Variants in ADGRB3 observed in about 807,000 individuals in gnomAD.
ADGRB3 encodes brain-specific angiogenesis inhibitor 3.
In ADGRB3, 37 loss-of-function variants were observed where a neutral mutation model predicts 193.4. The ratio of observed to expected loss-of-function variants is 0.19; its 90% CI spans 0.15 to 0.25. The LOEUF is 0.25. Ranked by LOEUF, ADGRB3 falls within the 10% of genes least tolerant of loss-of-function variation. The pLI, the probability that ADGRB3 is intolerant of heterozygous loss-of-function variation, is 1.00. For synonymous variants in ADGRB3, 690 were observed against 644.2 expected (o/e 1.07, Z -1.08); for missense variants, 1,637 against 1,852.9 (o/e 0.88, Z 2.14).
intron 28 of ADGRB3, among the ~76,000 whole-genome samples, chr6:69,356,502 G>C (rs748168068): frequency 1.3e-5 from 2 of 152,042 alleles, no homozygotes; most frequent in Non-Finnish European, 1.5e-5. Flanking sequence ...AGGAGAGAGA[G>C]AGAGAAAAAG....
At chr6:69,366,913 G>GAT (rs777774564) in intron 29 of ADGRB3, among the ~76,000 whole-genome samples, 35 of 152,098 alleles carry the variant, frequency 2.3e-4, no homozygotes, top group Non-Finnish European at 4.9e-4. Flanking sequence ...ATGTAATCAA[G>GAT]ATAGAAATGG....
chr6:69,295,847 C>T (rs1767804781), intron 20 of ADGRB3, among the ~76,000 whole-genome samples: 1 of 152,168 alleles, frequency 6.6e-6, no homozygotes, highest in Non-Finnish European at 1.5e-5. Context: ...TGAAGAGGTG[C>T]TGGTTCATAT....
intron 3 of ADGRB3, among the ~76,000 whole-genome samples, chr6:68,774,809 T>C (rs1370334612): frequency 6.6e-6 from 1 of 152,006 alleles, no homozygotes; most frequent in Non-Finnish European, 1.5e-5. Context: ...TTTAAAACAG[T>C]AAGATTCTAT....
chr6:68,767,464 G>T (rs1477090726), intron 3 of ADGRB3, among the ~76,000 whole-genome samples: 1 of 152,114 alleles, frequency 6.6e-6, no homozygotes, highest in African/African-American at 2.4e-5. Context: ...ATTAGATGGA[G>T]AAAATGTCTT....
At chr6:69,075,910 C>A in intron 16 of ADGRB3, 85 bp from the exon 17 acceptor site, 1 of 976,268 alleles carries the variant, frequency 1.0e-6, no homozygotes, top group South Asian at 1.5e-5. Flanking sequence ...AGAAATCTTC[C>A]ATTCTGTTTC....
chr6:69,238,789 A>T (rs929724548), intron 19 of ADGRB3, among the ~76,000 whole-genome samples: 1 of 151,792 alleles, frequency 6.6e-6, no homozygotes, highest in East Asian at 1.9e-4. Context: ...ATACTAATTG[A>T]TATATTTCCA....
intron 3 of ADGRB3, among the ~76,000 whole-genome samples, chr6:68,711,436 A>G (rs1049021175): frequency 6.6e-6 from 1 of 152,154 alleles, no homozygotes; most frequent in Admixed American, 6.6e-5. Context: ...TGAAAATGCC[A>G]GAAAAAAACA....
intron 17 of ADGRB3, among the ~76,000 whole-genome samples, chr6:69,131,081 G>A (rs1338388018): frequency 6.6e-6 from 1 of 151,758 alleles, no homozygotes; most frequent in Non-Finnish European, 1.5e-5. Context: ...TTGGAATATA[G>A]CCATTAATTA....
In ADGRB3 at chr6:69,002,918, G is replaced by A. The variant is rs188231544; in HGVS notation, c.1929+8956G>A. Among the ~76,000 whole-genome samples the A allele has an allele frequency of 6.6e-5, 10 of 152,274 alleles. No individual in the cohort carries two copies. In the East Asian group the frequency reaches 1.9e-3, roughly 29 times the overall value. On this transcript the variant is annotated intron_variant, in intron 11 of 31. Coordinates refer to ENST00000370598, the MANE Select transcript of ADGRB3 (RefSeq NM_001704.3). Reference sequence around the variant, plus strand: ...TAATAATTTTCTCAAACATCAGTAAGGGAGATAGGGAATGGAAGCAGGGGA... The same window carrying A: ...TAATAATTTTCTCAAACATCAGTAAAGGAGATAGGGAATGGAAGCAGGGGA...
intron 17 of ADGRB3, among the ~76,000 whole-genome samples, chr6:69,110,715 G>A (rs1773343614): frequency 6.6e-6 from 1 of 152,206 alleles, no homozygotes; most frequent in Non-Finnish European, 1.5e-5. Flanking sequence ...CAGAAGCGGT[G>A]AAGTATAAAC....
intron 3 of ADGRB3, among the ~76,000 whole-genome samples, chr6:68,923,880 T>G (rs1335668453): frequency 1.3e-5 from 2 of 152,096 alleles, no homozygotes; most frequent in African/African-American, 4.8e-5. Flanking sequence ...TTTCTGACTT[T>G]CTAAGATCTT....
At chr6:69,188,682 T>G (rs1307827774) in intron 17 of ADGRB3, among the ~76,000 whole-genome samples, 2 of 152,132 alleles carry the variant, frequency 1.3e-5, no homozygotes, top group Non-Finnish European at 2.9e-5. Flanking sequence ...CACTGCATGC[T>G]CAAAGCCTTC....
chr6:68,985,148 C>T (rs1769033262), intron 10 of ADGRB3, among the ~76,000 whole-genome samples: 1 of 152,146 alleles, frequency 6.6e-6, no homozygotes, highest in Non-Finnish European at 1.5e-5. Flanking sequence ...AGTTGAGCTA[C>T]TTGTATGCAG....
intron 20 of ADGRB3, among the ~76,000 whole-genome samples, chr6:69,288,831 A>T (rs974485189): frequency 9.2e-5 from 14 of 152,086 alleles, no homozygotes; most frequent in African/African-American, 3.4e-4. Flanking sequence ...TGAAAAAATG[A>T]TTTATATCAA....
At chr6:69,036,846 A>G (rs1324273647) in intron 13 of ADGRB3, among the ~76,000 whole-genome samples, 1 of 152,214 alleles carries the variant, frequency 6.6e-6, no homozygotes, top group Non-Finnish European at 1.5e-5. Context: ...GTCAAGGCAT[A>G]AAATTTGGAT....
chr6:69,019,112 C>T (rs1770185184), intron 13 of ADGRB3, among the ~76,000 whole-genome samples: 1 of 152,004 alleles, frequency 6.6e-6, no homozygotes, highest in Non-Finnish European at 1.5e-5. Flanking sequence ...AACCAAATGA[C>T]ACACTTCTCT....
intron 20 of ADGRB3, among the ~76,000 whole-genome samples, chr6:69,300,041 G>A (rs1424934936): frequency 6.6e-6 from 1 of 151,736 alleles, no homozygotes; most frequent in African/African-American, 2.4e-5. Context: ...ACAGACCAAT[G>A]TCTCTGATGA....
At chr6:68,918,299 C>G (rs1319855015) in intron 3 of ADGRB3, among the ~76,000 whole-genome samples, 1 of 152,078 alleles carries the variant, frequency 6.6e-6, no homozygotes, top group Non-Finnish European at 1.5e-5. Flanking sequence ...GTCCCTAACC[C>G]CCTTGCCCAT....
chr6:69,095,094 A>C (rs1772835249), intron 17 of ADGRB3, among the ~76,000 whole-genome samples: 1 of 152,212 alleles, frequency 6.6e-6, no homozygotes, highest in African/African-American at 2.4e-5. Context: ...ATTCCAAGTC[A>C]GAATTAATAA....
Sources: gnomAD v4.1 joint callset for allele counts (sites outside exome capture counted in the v4.1 genomes callset) on GRCh38, gnomAD v4.1.1 for gene constraint, MANE v1.5 for transcripts, NCBI Gene and HGNC (gene_info 2026-07-23, HGNC 2026-07-21) for gene names.